Variants in COPG2 observed in about 807,000 individuals in gnomAD.
The protein encoded by COPG2 is coatomer subunit gamma-2.
A neutral mutation model predicts 46.3 loss-of-function variants in COPG2; 37 were observed. The ratio of observed to expected loss-of-function variants is 0.80; its 90% CI spans 0.61 to 1.05. The LOEUF (loss-of-function observed/expected upper bound fraction) is 1.05. Among genes scored for constraint, COPG2 ranks in the 50% least tolerant of loss-of-function variants. The pLI is 0.00. For synonymous variants in COPG2, 159 were observed against 129.7 expected, an observed-to-expected ratio of 1.23 and a Z score of -1.53; for missense variants, 427 against 387.8, an observed-to-expected ratio of 1.10 and a Z score of -0.85.
At chr7:130,603,778 G>A in intron 9 of COPG2, 2 of 507,000 alleles carry the variant, frequency 3.9e-6, no homozygotes, top group South Asian at 2.9e-5. Flanking sequence ...AGTACTATAG[G>A]CATCTTGTAC....
intron 9 of COPG2, among the ~76,000 whole-genome samples, chr7:130,565,395 A>G (rs1218591160): frequency 6.6e-6 from 1 of 152,258 alleles, no homozygotes; most frequent in Non-Finnish European, 1.5e-5. Context: ...GACTACAGAA[A>G]TAGTCCAGGA....
At chr7:130,555,829 C>CA (rs1446560691) in intron 12 of COPG2, among the ~76,000 whole-genome samples, 3 of 151,140 alleles carry the variant, frequency 2.0e-5, no homozygotes, top group Non-Finnish European at 4.4e-5. Flanking sequence ...GACTCTGTCT[C>CA]AAAAAATAAA....
intron 9 of COPG2, among the ~76,000 whole-genome samples, chr7:130,590,490 G>A (rs1448404770): frequency 1.1e-4 from 16 of 152,146 alleles, no homozygotes; most frequent in African/African-American, 3.1e-4. Context: ...GCTCCTAACC[G>A]CGAGTGATCC....
At chr7:130,513,341 A>ATATATATATATGTGTG (rs1215646008) in intron 20 of COPG2, among the ~76,000 whole-genome samples, 6 of 51,546 alleles carry the variant, frequency 1.2e-4, no homozygotes, top group African/African-American at 1.7e-4. Context: ...ATATATATAT[A>ATATATATATATGTGTG]TGTGTGTGTG....
At chr7:130,509,683 T>C (rs1799564921) in intron 20 of COPG2, 2 of 519,326 alleles carry the variant, frequency 3.9e-6, no homozygotes, top group Admixed American at 1.9e-5. Flanking sequence ...GACACTTGGA[T>C]AAAAAGATGA....
rs1554440380 is a variant in COPG2, at chr7:130,507,698, G to A, written c.2373C>T (p.Thr791=). ...AATGGGTCTCACCTTCAAGGGTTTT[G>A]GTAGAACTGAGGGCAAAGGTTTCCT... ...EKEETFALSS[T]KTLEEAVNNI... is the part of the protein sequence containing the mutation. The change falls in exon 22 of 24, where the codon ACC becomes ACT. Residue 791 remains threonine (T), a synonymous_variant. Coordinates refer to ENST00000425248, the MANE Select transcript of COPG2 (RefSeq NM_012133.6). The A allele has an allele frequency of 1.3e-6, 1 of 780,252 alleles. No individual in the cohort carries two copies. 48.3% of individuals were successfully genotyped at this position (780,252 alleles called of 1,614,324 possible). A position where few individuals can be genotyped will look rare whatever the true frequency, so the allele number is the denominator to read the frequency against.
chr7:130,585,010 A>G (rs150258202), intron 9 of COPG2, among the ~76,000 whole-genome samples: 119,313 of 151,806 alleles, frequency 0.79, 47,449 homozygotes, highest in Non-Finnish European at 0.85. Flanking sequence ...CATAGCCAAA[A>G]CAAGACTAAG....
intron 9 of COPG2, among the ~76,000 whole-genome samples, chr7:130,578,682 C>T (rs537611582): frequency 1.1e-3 from 164 of 151,930 alleles, no homozygotes; most frequent in African/African-American, 3.6e-3. Context: ...AACCAAGGCC[C>T]GAGAACTATA....
intron 9 of COPG2, among the ~76,000 whole-genome samples, chr7:130,591,651 G>A (rs1460523441): frequency 2.7e-5 from 4 of 147,748 alleles, no homozygotes; most frequent in Non-Finnish European, 6.0e-5. Context: ...TTGGTGAGGG[G>A]CGCCTCTGCC....
At chr7:130,607,622 G>A (rs1054959597) in intron 9 of COPG2, 17 of 503,036 alleles carry the variant, frequency 3.4e-5, no homozygotes, top group African/African-American at 5.8e-5. Flanking sequence ...GTATTCTCCT[G>A]TATATATGTA....
chr7:130,536,375 G>T (rs1006382114), intron 20 of COPG2, among the ~76,000 whole-genome samples: 2 of 152,172 alleles, frequency 1.3e-5, no homozygotes, highest in African/African-American at 4.8e-5. Flanking sequence ...TGGGGTTGAG[G>T]GGTGGGTTTC....
intron 5 of COPG2, among the ~76,000 whole-genome samples, chr7:130,625,614 T>C (rs886334320): frequency 2.6e-5 from 4 of 152,106 alleles, no homozygotes; most frequent in Non-Finnish European, 5.9e-5. Context: ...TGTCTTTTGA[T>C]TTTTACATTT....
At chr7:130,607,356 G>A (rs1412855194) in intron 9 of COPG2, 12 of 373,724 alleles carry the variant, frequency 3.2e-5, no homozygotes, top group Non-Finnish European at 4.2e-5. Flanking sequence ...ATCATATCAG[G>A]GTTAGTTTCT....
chr7:130,610,608 A>C (rs1554451892), intron 9 of COPG2: 1 of 529,990 alleles, frequency 1.9e-6, no homozygotes, highest in South Asian at 1.4e-5. Flanking sequence ...TAAATGCAGT[A>C]CTTCAACATT....
chr7:130,666,883 T>C lies in COPG2; in HGVS notation c.137A>G (p.His46Arg), dbSNP rs1554461510. Reference protein sequence around the residue: ...ETPINPRRCLHILTKILYLLN... With the variant: ...ETPINPRRCLRILTKILYLLN... ...TAAGTAAAGAATCTTTGTAAGAATA[T>C]GCAAACATCTTCTTGGATTGATTGG... is the stretch of plus-strand genomic sequence containing the variant. Residue 46 changes from histidine (H) to arginine (R), a missense_variant, in exon 3 of 24, where the codon CAT (histidine) becomes CGT (arginine). By Grantham distance (29) the His-to-Arg change is conservative (BLOSUM62 0). Transcript: ENST00000425248. The C allele has an allele frequency of 2.6e-6, 4 of 1,565,492 alleles. No individual in the cohort carries two copies. Among genetic ancestry groups the C allele is most frequent in the Non-Finnish European group, 2.6e-6 (3 of 1,145,684 alleles).
intron 9 of COPG2, among the ~76,000 whole-genome samples, chr7:130,580,117 T>G (rs1794103776): frequency 6.6e-6 from 1 of 151,856 alleles, no homozygotes; most frequent in South Asian, 2.1e-4. Context: ...TCAGCAAATG[T>G]AAAAGAACAG....
chr7:130,618,100 C>CAAAAAAAAA lies in COPG2; in HGVS notation c.324-1044_324-1036dup, dbSNP rs10695449. Reference sequence around the variant, plus strand: ...TGGGTGACAGAGTGAGACCCTGTCTCAAAAAAAAAAAAAAAAAAAGACTTT... The same window carrying CAAAAAAAAA: ...TGGGTGACAGAGTGAGACCCTGTCTCAAAAAAAAAAAAAAAAAAAAAAAAAAAAGACTTT... On this transcript the variant is annotated intron_variant, in intron 5 of 23. Transcript: ENST00000425248. 3.0e-3 allele frequency among the ~76,000 whole-genome samples: 193 copies of CAAAAAAAAA among 64,414 alleles called. 13 individuals are homozygous for CAAAAAAAAA. Among genetic ancestry groups the CAAAAAAAAA allele is most frequent in the Admixed American group, 3.7e-3 (17 of 4,566 alleles). The allele number at this position is 64,414 out of a possible 152,430, so 42.3% of individuals were successfully genotyped here. A position where few individuals can be genotyped will look rare whatever the true frequency, so the allele number is the denominator to read the frequency against.
At chr7:130,597,627 C>T (rs1365431834) in intron 9 of COPG2, among the ~76,000 whole-genome samples, 1 of 151,698 alleles carries the variant, frequency 6.6e-6, no homozygotes, top group East Asian at 1.9e-4. Context: ...AAAAAAATCA[C>T]ATGATGACTT....
chr7:130,516,410 G>A (rs1344256885), intron 20 of COPG2, among the ~76,000 whole-genome samples: 4 of 152,164 alleles, frequency 2.6e-5, no homozygotes, highest in African/African-American at 9.7e-5. Context: ...GGCTATACAG[G>A]GGAAGCCTCC....
Sources: allele counts gnomAD v4.1 joint callset (sites outside exome capture counted in the v4.1 genomes callset), GRCh38; gene constraint gnomAD v4.1.1; transcripts MANE v1.5; gene names NCBI Gene and HGNC (gene_info 2026-07-23, HGNC 2026-07-21).